Variants in CARS2 observed in about 807,000 individuals in gnomAD.
The protein encoded by CARS2 is cysteinyl-tRNA synthetase 2, mitochondrial, also known as probable cysteine--tRNA ligase, mitochondrial.
A neutral mutation model predicts 68.8 loss-of-function variants in CARS2; 52 were observed. The observed-to-expected ratio is 0.76, with a 90% CI of 0.61 to 0.95. The LOEUF is 0.95. CARS2 is among the 40% of genes least tolerant of loss of function. The probability of loss-of-function intolerance (pLI) is 0.00; values close to 1 mark genes in which losing one functional copy is unlikely to be tolerated. For missense variants in CARS2, 780 were observed against 754.2 expected, an observed-to-expected ratio of 1.03 and a Z score of -0.40; for synonymous variants, 314 against 303.6, an observed-to-expected ratio of 1.03 and a Z score of -0.36.
chr13:110,681,771 A>C (rs2063163313), intron 6 of CARS2, among the ~76,000 whole-genome samples: 1 of 152,238 alleles, frequency 6.6e-6, no homozygotes, highest in South Asian at 2.1e-4. Context: ...CAGCCATGAA[A>C]AGACACGGAG....
At chr13:110,681,911 T>C (rs1485729976) in intron 6 of CARS2, among the ~76,000 whole-genome samples, 1 of 151,976 alleles carries the variant, frequency 6.6e-6, no homozygotes, top group Non-Finnish European at 1.5e-5. Context: ...TTTCCAGGGA[T>C]GGGAAAGAGG....
chr13:110,685,535 G>A (rs1484232398), intron 5 of CARS2, among the ~76,000 whole-genome samples: 1 of 152,136 alleles, frequency 6.6e-6, no homozygotes, highest in Non-Finnish European at 1.5e-5. Flanking sequence ...TTCAGCCGTC[G>A]GCTGGATACT....
intron 10 of CARS2, chr13:110,650,124 G>A (rs1194366430): frequency 1.3e-5 from 2 of 151,772 alleles, no homozygotes; most frequent in Admixed American, 6.6e-5. Flanking sequence ...TTCAGATGGA[G>A]TCTTGCTCAG....
intron 10 of CARS2, among the ~76,000 whole-genome samples, chr13:110,649,553 T>C (rs1331703760): frequency 6.6e-6 from 1 of 152,196 alleles, no homozygotes; most frequent in Non-Finnish European, 1.5e-5. Context: ...ATTCACCCCA[T>C]GGGGGAATGA....
intron 9 of CARS2, among the ~76,000 whole-genome samples, chr13:110,659,928 C>T (rs1412878514): frequency 2.0e-5 from 3 of 152,286 alleles, no homozygotes; most frequent in Non-Finnish European, 4.4e-5. Context: ...TGAAAGATTT[C>T]TCTGTAGCAT....
In CARS2 at chr13:110,641,449, C is replaced by A; in HGVS notation, c.*88G>T. 2 of 1,082,714 alleles carry A rather than the reference C, an allele frequency of 1.8e-6. No homozygotes were observed. Among genetic ancestry groups the A allele is most frequent in the Non-Finnish European group, 2.9e-6 (2 of 697,830 alleles). 67.1% of individuals were successfully genotyped at this position (1,082,714 alleles called of 1,614,324 possible). A position where few individuals can be genotyped will look rare whatever the true frequency, so the allele number is the denominator to read the frequency against. ...CCTTACTTTAATGCTGACCTAGCAG[C>A]CCCGACAGGAAGCTTTAACATAAAG... On this transcript the variant is annotated 3_prime_UTR_variant, in exon 15 of 15. Transcript: ENST00000257347.
At chr13:110,713,329 G>A (rs2064060607) in exon 1 of CARS2, 1 of 1,134,512 alleles carries the variant, frequency 8.8e-7, no homozygotes, top group Non-Finnish European at 1.1e-6. Flanking sequence ...TCTGTCCCGC[G>A]GCCCGTTAGG....
At chr13:110,682,423 G>A (rs547518133) in intron 6 of CARS2, among the ~76,000 whole-genome samples, 7 of 152,314 alleles carry the variant, frequency 4.6e-5, no homozygotes, top group African/African-American at 1.7e-4. Flanking sequence ...TGCTATGGAT[G>A]GTTAGGATTC....
intron 8 of CARS2, chr13:110,664,809 T>C: frequency 3.0e-6 from 1 of 336,204 alleles, no homozygotes; most frequent in Non-Finnish European, 4.2e-6. Context: ...GAATCAGTGC[T>C]CTCATAACAG....
At chr13:110,697,266 A>G (rs1177332739) in intron 3 of CARS2, among the ~76,000 whole-genome samples, 1 of 152,196 alleles carries the variant, frequency 6.6e-6, no homozygotes, top group South Asian at 2.1e-4. Context: ...AGCCTTAGAC[A>G]TCACGCACCT....
At position 110,670,803 on chromosome 13, in the gene CARS2, C is replaced by T. The variant is rs2062783252; in HGVS notation, c.786-3330G>A. Among the ~76,000 whole-genome samples the T allele has an allele frequency of 6.6e-6, 1 of 152,138 alleles. No individual in the cohort carries two copies. The highest frequency in any genetic ancestry group is 2.4e-5 in the African/African-American group (1 of 41,432). ...GATGTTTGAACCCATCATAAAGAAG[C>T]TAAAAACCTTCAAAAAAGATTAGAC... On this transcript the variant is annotated intron_variant, in intron 7 of 14. Coordinates refer to ENST00000257347, the MANE Select transcript of CARS2 (RefSeq NM_024537.4). This position sits in a 1 kb window ranked among gnomAD's most constrained non-coding sequence, Gnocchi z 4.1.
At chr13:110,663,110 T>C in intron 9 of CARS2, 1 of 495,578 alleles carries the variant, frequency 2.0e-6, no homozygotes, top group Admixed American at 2.3e-5. Flanking sequence ...TAAGAGGTGG[T>C]GGGTGAGGGC....
intron 6 of CARS2, among the ~76,000 whole-genome samples, chr13:110,682,106 G>A (rs142236036): frequency 1.3e-5 from 2 of 152,252 alleles, no homozygotes; most frequent in African/African-American, 4.8e-5. Context: ...GGGGGATGCT[G>A]ACAGTGTGGG....
At position 110,676,013 on chromosome 13, in the gene CARS2, G is replaced by T. The variant is rs1196634617; in HGVS notation, c.785+961C>A. On this transcript the variant is annotated intron_variant, in intron 7 of 14. Transcript: ENST00000257347. The surrounding 1 kb of genome is among the most constrained non-coding windows in gnomAD (Gnocchi z 4.0). ...TCTACTAAAAATACAAAATTAGCCG[G>T]GGTGGTGGCGCATGCCAGTAATCCC... Among the ~76,000 whole-genome samples, 1 of 152,236 alleles carries T rather than the reference G, an allele frequency of 6.6e-6. No individual in the cohort carries two copies. The highest frequency in any genetic ancestry group is 1.5e-5 in the Non-Finnish European group (1 of 68,048).
intron 3 of CARS2, among the ~76,000 whole-genome samples, chr13:110,700,966 G>A (rs2063767375): frequency 6.6e-6 from 1 of 152,194 alleles, no homozygotes; most frequent in Admixed American, 6.5e-5. Flanking sequence ...AAGAAACCCT[G>A]CTAACCCAGC....
intron 9 of CARS2, among the ~76,000 whole-genome samples, chr13:110,652,428 A>G (rs956271898): frequency 6.6e-6 from 1 of 152,278 alleles, no homozygotes; most frequent in African/African-American, 2.4e-5. Context: ...CCCTACTGAG[A>G]GCAAAACACA....
chr13:110,660,051 T>C (rs2766498), intron 9 of CARS2, among the ~76,000 whole-genome samples: 43,063 of 152,178 alleles, frequency 0.28, 6,800 homozygotes, highest in African/African-American at 0.39. Context: ...TCTAAATCCT[T>C]TGTTGTCATT....
chr13:110,651,145 CTTCGCACTG>C, intron 9 of CARS2, 45 bp from the exon 10 acceptor site: 1 of 1,329,798 alleles, frequency 7.5e-7, no homozygotes, highest in Non-Finnish European at 1.1e-6. Context: ...TGCTTTTACG[CTTCGCACTG>C]TTCAGAGAAT....
chr13:110,692,927 T>C (rs1184450584), intron 3 of CARS2, among the ~76,000 whole-genome samples: 1 of 151,602 alleles, frequency 6.6e-6, no homozygotes, highest in Non-Finnish European at 1.5e-5. Context: ...CTGACCAACA[T>C]GGTGAAACCC....
Sources: allele counts gnomAD v4.1 joint callset (sites outside exome capture counted in the v4.1 genomes callset), GRCh38; gene constraint gnomAD v4.1.1; non-coding constraint Gnocchi (gnomAD v3.1); transcripts MANE v1.5; gene names NCBI Gene and HGNC (gene_info 2026-07-23, HGNC 2026-07-21).